Variants in FAM185A observed in about 807,000 individuals in gnomAD.
FAM185A encodes the protein protein FAM185A.
Under a neutral mutation model 45.7 loss-of-function variants are expected in FAM185A, and 21 were observed. The observed-to-expected ratio is 0.46, with a 90% CI of 0.33 to 0.66. FAM185A has a LOEUF of 0.66. FAM185A is among the 30% of genes least tolerant of loss of function. The pLI, the probability that FAM185A is intolerant of heterozygous loss-of-function variation, is 0.03. For synonymous variants in FAM185A, 117 were observed against 194.0 expected (o/e 0.60, Z 3.30); for missense variants, 305 against 485.4 (o/e 0.63, Z 3.49).
chr7:102,780,857 C>T (rs1034939229), intron 6 of FAM185A, among the ~76,000 whole-genome samples: 4 of 152,148 alleles, frequency 2.6e-5, no homozygotes, highest in African/African-American at 4.8e-5. Flanking sequence ...CAAAGCAGGG[C>T]GAGGCATCAC....
rs547216054 is a variant in FAM185A at position 102,768,131 on chromosome 7, A to T, written c.794-4278A>T. On this transcript the variant is annotated intron_variant, in intron 4 of 7. Coordinates refer to ENST00000413034, the MANE Select transcript of FAM185A (RefSeq NM_001145268.2). ...ACTGCAGCTAAAGTAGTTTATTAGTAATGCACATTGAACATGTCATTCTCT... is the reference window on the plus strand; with the variant it reads ...ACTGCAGCTAAAGTAGTTTATTAGTTATGCACATTGAACATGTCATTCTCT... 3.1e-4 allele frequency among the ~76,000 whole-genome samples: 38 copies of T among 120,874 alleles called. 1 individual carries two copies. The highest frequency in any genetic ancestry group is 8.8e-4 in the African/African-American group (35 of 39,790). The allele number at this position is 120,874 out of a possible 152,430, so 79.3% of individuals were successfully genotyped here. A position where few individuals can be genotyped will look rare whatever the true frequency, so the allele number is the denominator to read the frequency against.
the FAM185A span, among the ~76,000 whole-genome samples, chr7:102,827,552 T>C: frequency 1.3e-5 from 2 of 152,056 alleles, no homozygotes; most frequent in Non-Finnish European, 2.9e-5. Context: ...ATACTTTAAG[T>C]TTTAGGGTAC....
chr7:102,780,028 A>C (rs78491693), intron 6 of FAM185A, among the ~76,000 whole-genome samples: 3 of 151,930 alleles, frequency 2.0e-5, no homozygotes. Flanking sequence ...ATTTCTTAAT[A>C]AAATAAACTA....
At chr7:102,807,486 A>G (rs1317163764) in intron 7 of FAM185A, among the ~76,000 whole-genome samples, 1 of 152,176 alleles carries the variant, frequency 6.6e-6, no homozygotes. Context: ...TCATTGGAGT[A>G]ATTTGGATGT....
At chr7:102,777,163 C>T in intron 5 of FAM185A, 90 bp from the exon 6 acceptor site, 1 of 1,448,092 alleles carries the variant, frequency 6.9e-7, no homozygotes, top group Non-Finnish European at 9.4e-7. Context: ...GCCCCTTATC[C>T]TAATGCTAAA....
chr7:102,774,727 A>G (rs1187837724), intron 5 of FAM185A, among the ~76,000 whole-genome samples: 2 of 152,096 alleles, frequency 1.3e-5, no homozygotes, highest in African/African-American at 4.8e-5. Flanking sequence ...AATATGACCA[A>G]CTATACTGAC....
At chr7:102,788,901 A>G (rs973549744) in intron 7 of FAM185A, among the ~76,000 whole-genome samples, 4 of 152,240 alleles carry the variant, frequency 2.6e-5, no homozygotes, top group African/African-American at 9.7e-5. Context: ...CAGTAAAAAT[A>G]TGGCATAAAA....
intron 7 of FAM185A, among the ~76,000 whole-genome samples, chr7:102,795,994 G>A (rs539976099): frequency 3.3e-5 from 5 of 152,216 alleles, no homozygotes; most frequent in Admixed American, 1.3e-4. Flanking sequence ...TTATCAAGAC[G>A]GGAATTGCAG....
chr7:102,786,026 G>A (rs1480974915), intron 6 of FAM185A, among the ~76,000 whole-genome samples: 1 of 152,170 alleles, frequency 6.6e-6, no homozygotes, highest in African/African-American at 2.4e-5. Flanking sequence ...CAAAGGATAT[G>A]AACAGACACT....
chr7:102,796,700 C>CA, intron 7 of FAM185A, among the ~76,000 whole-genome samples: 1 of 151,796 alleles, frequency 6.6e-6, no homozygotes, highest in Non-Finnish European at 1.5e-5. Flanking sequence ...ATGCAAAGAG[C>CA]AAAAAAACCC....
the FAM185A span, among the ~76,000 whole-genome samples, chr7:102,815,013 G>C: frequency 6.6e-6 from 1 of 152,004 alleles, no homozygotes; most frequent in Non-Finnish European, 1.5e-5. Flanking sequence ...CACATTTTCT[G>C]AACATTTTTC....
chr7:102,794,997 G>A (rs1479429736), intron 7 of FAM185A, among the ~76,000 whole-genome samples: 1 of 152,212 alleles, frequency 6.6e-6, no homozygotes, highest in Non-Finnish European at 1.5e-5. Flanking sequence ...ATAGGTTAGG[G>A]AAGGAGAAGG....
chr7:102,804,242 A>G (rs917453819), intron 7 of FAM185A, among the ~76,000 whole-genome samples: 3 of 152,198 alleles, frequency 2.0e-5, no homozygotes, highest in African/African-American at 7.2e-5. Flanking sequence ...CTAAGCAAAA[A>G]GAACAAATCT....
At chr7:102,834,102 G>GGAAGGA in the FAM185A span, among the ~76,000 whole-genome samples, 6 of 102,038 alleles carry the variant, frequency 5.9e-5, no homozygotes, top group Admixed American at 1.8e-4. Flanking sequence ...AAGAAAGAAA[G>GGAAGGA]AAAGAAAGAA....
the FAM185A span, chr7:102,832,937 T>A: frequency 6.2e-7 from 1 of 1,614,142 alleles, no homozygotes; most frequent in Non-Finnish European, 8.5e-7. Context: ...ATAAGAGACA[T>A]CCAAATGTTC....
chr7:102,837,072 A>T, the FAM185A span, among the ~76,000 whole-genome samples: 1 of 152,238 alleles, frequency 6.6e-6, no homozygotes, highest in Non-Finnish European at 1.5e-5. Context: ...TAAGATATCA[A>T]CTAAATACAA....
the FAM185A span, among the ~76,000 whole-genome samples, chr7:102,815,150 T>G: frequency 3.3e-5 from 5 of 152,112 alleles, no homozygotes; most frequent in Admixed American, 3.3e-4. Flanking sequence ...CTAAACATTA[T>G]CCATTTTTCA....
chr7:102,810,541 C>T (rs1397095074), downstream of FAM185A, among the ~76,000 whole-genome samples: 1 of 151,422 alleles, frequency 6.6e-6, no homozygotes, highest in African/African-American at 2.4e-5. Flanking sequence ...CAGGAGAAGT[C>T]CATTCTTAAA....
the FAM185A span, among the ~76,000 whole-genome samples, chr7:102,821,105 A>G: frequency 6.6e-6 from 1 of 152,222 alleles, no homozygotes; most frequent in Non-Finnish European, 1.5e-5. Flanking sequence ...ATCTTGCTGA[A>G]AGTTGTCTGT....
Sources: allele counts gnomAD v4.1 joint callset (sites outside exome capture counted in the v4.1 genomes callset), GRCh38; gene constraint gnomAD v4.1.1; transcripts MANE v1.5; gene names NCBI Gene and HGNC (gene_info 2026-07-23, HGNC 2026-07-21).